The following ROBO2 variants were observed in gnomAD, a reference collection of about 807,000 sequenced individuals.
ROBO2 encodes the protein roundabout homolog 2.
ROBO2 carries 53 observed loss-of-function variants against 160.8 expected under a neutral mutation model. The observed-to-expected ratio is 0.33, with a 90% CI of 0.26 to 0.41. The LOEUF is 0.41. Ranked by LOEUF, ROBO2 falls within the 10% of genes least tolerant of loss-of-function variation. The probability of loss-of-function intolerance (pLI) is 1.00; values close to 1 mark genes in which losing one functional copy is unlikely to be tolerated. For missense variants in ROBO2, 1,577 were observed against 1,722.4 expected, an observed-to-expected ratio of 0.92 and a Z score of 1.49; for synonymous variants, 664 against 611.7, an observed-to-expected ratio of 1.09 and a Z score of -1.26.
intron 2 of ROBO2, among the ~76,000 whole-genome samples, chr3:77,366,023 G>A (rs116829683): frequency 1.5e-3 from 229 of 152,084 alleles, no homozygotes; most frequent in African/African-American, 5.4e-3. Context: ...AGCAGATATC[G>A]CAGGAATCAG....
chr3:77,550,924 A>G (rs1480008398), exon 8 of ROBO2: 1 of 1,613,090 alleles, frequency 6.2e-7, no homozygotes. Flanking sequence ...GCGGGTTACT[A>G]CATCTGCCAG....
intron 2 of ROBO2, among the ~76,000 whole-genome samples, chr3:77,156,963 T>TAGAAATACCA (rs1413039839): frequency 1.3e-5 from 2 of 152,008 alleles, no homozygotes; most frequent in Non-Finnish European, 2.9e-5. Context: ...GGGAACTTGG[T>TAGAAATACCA]AGAAATACAA....
At chr3:75,926,608 C>T (rs1947302652) in intron 1 of ROBO2, among the ~76,000 whole-genome samples, 1 of 152,162 alleles carries the variant, frequency 6.6e-6, no homozygotes, top group African/African-American at 2.4e-5. Context: ...TAAAAGCATA[C>T]CTTCAACATT....
intron 2 of ROBO2, among the ~76,000 whole-genome samples, chr3:77,199,060 G>A (rs147119864): frequency 1.3e-5 from 2 of 152,222 alleles, no homozygotes; most frequent in African/African-American, 4.8e-5. Context: ...TAAAATACAG[G>A]GTGATACATA....
chr3:77,295,687 G>A (rs1580815911), intron 2 of ROBO2, among the ~76,000 whole-genome samples: 1 of 151,192 alleles, frequency 6.6e-6, no homozygotes, highest in East Asian at 2.0e-4. Context: ...ATGGTTAAAC[G>A]GGAAGTTGAG....
chr3:76,854,593 A>G (rs530599524), intron 2 of ROBO2, among the ~76,000 whole-genome samples: 1 of 152,296 alleles, frequency 6.6e-6, no homozygotes, highest in South Asian at 2.1e-4. Context: ...AATATTTGAG[A>G]AACAGTAACT....
intron 2 of ROBO2, among the ~76,000 whole-genome samples, chr3:76,373,813 C>A (rs1447482942): frequency 6.6e-6 from 1 of 151,936 alleles, no homozygotes; most frequent in Admixed American, 6.6e-5. Flanking sequence ...TTCTGCTGAT[C>A]TTGTCAGACT....
At chr3:77,435,537 C>T (rs771915364) in intron 2 of ROBO2, among the ~76,000 whole-genome samples, 9 of 151,716 alleles carry the variant, frequency 5.9e-5, no homozygotes, top group Non-Finnish European at 1.3e-4. Flanking sequence ...TAAATTCTAC[C>T]TTTCAAACTG....
At chr3:76,808,253 C>T (rs541063308) in intron 2 of ROBO2, among the ~76,000 whole-genome samples, 6 of 152,184 alleles carry the variant, frequency 3.9e-5, no homozygotes, top group African/African-American at 1.4e-4. Flanking sequence ...GGACCCCTGT[C>T]CTTAACCCAA....
At chr3:76,801,766 C>G (rs1268974013) in intron 2 of ROBO2, among the ~76,000 whole-genome samples, 1 of 152,088 alleles carries the variant, frequency 6.6e-6, no homozygotes, top group Non-Finnish European at 1.5e-5. Flanking sequence ...TGCGAGAGGC[C>G]TAGCTTTCAG....
chr3:76,150,669 C>G (rs2072161363), intron 2 of ROBO2, among the ~76,000 whole-genome samples: 1 of 152,132 alleles, frequency 6.6e-6, no homozygotes, highest in African/African-American at 2.4e-5. Context: ...AATATCACAT[C>G]ATCAGGGAGA....
At chr3:76,688,254 T>G (rs2092724962) in intron 2 of ROBO2, among the ~76,000 whole-genome samples, 1 of 152,050 alleles carries the variant, frequency 6.6e-6, no homozygotes, top group Middle Eastern at 3.4e-3. Context: ...AACCGCAAAA[T>G]GATCATTCTG....
intron 6 of ROBO2, among the ~76,000 whole-genome samples, chr3:77,532,108 G>T (rs79959704): frequency 6.6e-6 from 1 of 151,996 alleles, no homozygotes; most frequent in Non-Finnish European, 1.5e-5. Flanking sequence ...AAACACAAGC[G>T]CGGGTTACTT....
chr3:77,178,278 C>T (rs2150811674), intron 2 of ROBO2, among the ~76,000 whole-genome samples: 1 of 152,090 alleles, frequency 6.6e-6, no homozygotes, highest in African/African-American at 2.4e-5. Context: ...ATCGTTTTGC[C>T]CTGTAGATCT....
chr3:75,960,189 A>G (rs996568231), intron 2 of ROBO2, among the ~76,000 whole-genome samples: 2 of 151,814 alleles, frequency 1.3e-5, no homozygotes, highest in South Asian at 2.1e-4. Flanking sequence ...TTCGCCCTTT[A>G]GTGAGTCAGC....
chr3:76,544,881 A>G (rs536704295), intron 2 of ROBO2, among the ~76,000 whole-genome samples: 1 of 151,996 alleles, frequency 6.6e-6, no homozygotes, highest in Non-Finnish European at 1.5e-5. Flanking sequence ...AAAAGCCTTT[A>G]CTGCTACCCT....
intron 2 of ROBO2, among the ~76,000 whole-genome samples, chr3:76,104,254 G>A (rs548458331): frequency 1.3e-3 from 196 of 152,306 alleles, no homozygotes; most frequent in African/African-American, 4.6e-3. Context: ...AAATAACTTA[G>A]TAACTATAAG....
intron 2 of ROBO2, among the ~76,000 whole-genome samples, chr3:76,636,427 A>G (rs2090336968): frequency 6.6e-6 from 1 of 152,118 alleles, no homozygotes; most frequent in Admixed American, 6.5e-5. Context: ...AAGCCCCCCA[A>G]ATTAAAGGGC....
chr3:76,748,094 T>C (rs1433027231), intron 2 of ROBO2, among the ~76,000 whole-genome samples: 1 of 152,056 alleles, frequency 6.6e-6, no homozygotes, highest in Non-Finnish European at 1.5e-5. Context: ...ATCTTGATTC[T>C]CCTATTCATC....
Sources: allele counts gnomAD v4.1 joint callset (sites outside exome capture counted in the v4.1 genomes callset), GRCh38; gene constraint gnomAD v4.1.1; transcripts MANE v1.5; gene names NCBI Gene and HGNC (gene_info 2026-07-23, HGNC 2026-07-21).